The following GABRG3 variants were observed in gnomAD, a reference collection of about 807,000 sequenced individuals.
GABRG3 encodes the protein gamma-aminobutyric acid receptor subunit gamma-3.
GABRG3 carries 25 observed loss-of-function variants against 48.8 expected under a neutral mutation model. The observed-to-expected ratio is 0.51, with a 90% confidence interval of 0.37 to 0.72. The LOEUF (loss-of-function observed/expected upper bound fraction) is 0.72. Among genes scored for constraint, GABRG3 ranks in the 30% least tolerant of loss-of-function variants. The pLI, the probability that GABRG3 is intolerant of heterozygous loss-of-function variation, is 0.00. For missense variants in GABRG3, 394 were observed against 577.9 expected (o/e 0.68, Z 3.26); for synonymous variants, 227 against 217.6 (o/e 1.04, Z -0.38).
At chr15:27,272,253 G>A (rs1455091771) in intron 3 of GABRG3, among the ~76,000 whole-genome samples, 1 of 152,236 alleles carries the variant, frequency 6.6e-6, no homozygotes, top group Non-Finnish European at 1.5e-5. Flanking sequence ...TAAGGTTCAT[G>A]GAAGTTGCAT....
chr15:27,148,711 A>G (rs1898255801), intron 3 of GABRG3, among the ~76,000 whole-genome samples: 1 of 152,042 alleles, frequency 6.6e-6, no homozygotes, highest in African/African-American at 2.4e-5. Flanking sequence ...AAATCATTCT[A>G]TGTAATACTC....
Position 27,480,432 on chromosome 15 carries a change from G to A in GABRG3, c.575-218G>A, listed in dbSNP as rs567686955. Among the ~76,000 whole-genome samples, 7 of 152,256 alleles carry A rather than the reference G, an allele frequency of 4.6e-5. No individual in the cohort carries two copies. In the South Asian group the frequency reaches 6.2e-4, roughly 14 times the overall value. On this transcript the variant is annotated intron_variant, in intron 5 of 9. Transcript: ENST00000615808. ...TTGTCAGTGGCCAGGCCTATGCAGT[G>A]GAGTGCCTGGCCATTCGTGAAGATC...
intron 3 of GABRG3, among the ~76,000 whole-genome samples, chr15:27,271,235 C>A (rs1403241221): frequency 2.0e-5 from 3 of 152,168 alleles, no homozygotes; most frequent in Admixed American, 6.5e-5. Context: ...CCTGCACTTG[C>A]CCTGCACGCT....
chr15:27,099,032 G>A (rs1022515303), intron 3 of GABRG3, among the ~76,000 whole-genome samples: 5 of 152,088 alleles, frequency 3.3e-5, no homozygotes, highest in Admixed American at 1.3e-4. Flanking sequence ...AAACTCACTT[G>A]AATTACAGCA....
chr15:27,125,048 G>A (rs1480081188), intron 3 of GABRG3, among the ~76,000 whole-genome samples: 1 of 152,148 alleles, frequency 6.6e-6, no homozygotes, highest in East Asian at 1.9e-4. Context: ...TTTAATGACA[G>A]CAGCCAGTTG....
chr15:26,975,444 G>A lies in GABRG3; in HGVS notation c.54-1558G>A, dbSNP rs140822621. On this transcript the variant is annotated intron_variant, in intron 1 of 9. Coordinates refer to ENST00000615808, the MANE Select transcript of GABRG3 (RefSeq NM_033223.5). This position sits in a 1 kb window ranked among gnomAD's most constrained non-coding sequence, Gnocchi z 4.6. ...ATCAGCCTAGGAAAAACGTAAGTGGGGAAGTCATTCTTTGAGACATATGCC... is the reference window on the plus strand; with the variant it reads ...ATCAGCCTAGGAAAAACGTAAGTGGAGAAGTCATTCTTTGAGACATATGCC... Among the ~76,000 whole-genome samples, 479 of 152,204 alleles carry A rather than the reference G, an allele frequency of 3.1e-3. 7 individuals are homozygous for A. The highest frequency in any genetic ancestry group is 0.011 in the African/African-American group (463 of 41,546).
chr15:27,103,393 C>A (rs971817914), intron 3 of GABRG3, among the ~76,000 whole-genome samples: 4 of 152,044 alleles, frequency 2.6e-5, no homozygotes, highest in African/African-American at 9.7e-5. Context: ...CCTGAGTATC[C>A]CCACAGCAGG....
rs750272069 is a variant in GABRG3, at chr15:27,026,999, T to C, written c.270+178T>C. 126 of 490,168 alleles carry C rather than the reference T, an allele frequency of 2.6e-4. 1 individual carries two copies. The highest frequency in any genetic ancestry group is 7.7e-5 in the Admixed American group (2 of 26,046). The allele number at this position is 490,168 out of a possible 1,614,324, so 30.4% of individuals were successfully genotyped here. ...AAAAAAAAAAATGAAGAAAGATAGCTTGTGATGGTAGTAGCATTTCCACTT... is the reference window on the plus strand; with the variant it reads ...AAAAAAAAAAATGAAGAAAGATAGCCTGTGATGGTAGTAGCATTTCCACTT... On this transcript the variant is annotated intron_variant, in intron 3 of 9. Coordinates refer to ENST00000615808, the MANE Select transcript of GABRG3 (RefSeq NM_033223.5).
chr15:27,186,713 A>G (rs1271563778), intron 3 of GABRG3, among the ~76,000 whole-genome samples: 1 of 152,088 alleles, frequency 6.6e-6, no homozygotes, highest in Non-Finnish European at 1.5e-5. Flanking sequence ...TTGTTCTGAG[A>G]TAGTATCTCA....
intron 3 of GABRG3, among the ~76,000 whole-genome samples, chr15:27,135,259 T>G (rs770265476): frequency 6.6e-6 from 1 of 152,202 alleles, no homozygotes; most frequent in African/African-American, 2.4e-5. Flanking sequence ...TTAAAGGAAC[T>G]AGGAACTGAT....
chr15:27,416,413 C>T (rs1887941100), intron 5 of GABRG3, among the ~76,000 whole-genome samples: 1 of 152,126 alleles, frequency 6.6e-6, no homozygotes, highest in South Asian at 2.1e-4. Flanking sequence ...AAGACCCCAG[C>T]AGGTTAGGCT....
chr15:27,314,418 G>T (rs2060386774), intron 3 of GABRG3, among the ~76,000 whole-genome samples: 1 of 152,172 alleles, frequency 6.6e-6, no homozygotes, highest in African/African-American at 2.4e-5. Context: ...GTCAGCAAGG[G>T]TTGGCAAGGA....
At chr15:27,313,262 G>GTGTGTGTA (rs1430430961) in intron 3 of GABRG3, among the ~76,000 whole-genome samples, 12 of 34,560 alleles carry the variant, frequency 3.5e-4, no homozygotes, top group East Asian at 1.1e-3. Flanking sequence ...GTGTGTGTGT[G>GTGTGTGTA]TATATATATA....
At chr15:27,399,846 A>G (rs375769000) in intron 5 of GABRG3, among the ~76,000 whole-genome samples, 47 of 152,308 alleles carry the variant, frequency 3.1e-4, no homozygotes, top group Middle Eastern at 3.4e-3. Flanking sequence ...TCGGCGTTGA[A>G]TCAGAAGTTA....
At chr15:27,216,855 C>G (rs1373718345) in intron 3 of GABRG3, among the ~76,000 whole-genome samples, 1 of 142,202 alleles carries the variant, frequency 7.0e-6, no homozygotes, top group African/African-American at 2.6e-5. Context: ...TATACATGTG[C>G]CATGCTGGTG....
intron 5 of GABRG3, chr15:27,418,681 T>C (rs1888016951): frequency 6.6e-6 from 1 of 152,248 alleles, no homozygotes; most frequent in East Asian, 1.9e-4. Context: ...AAGGAATTAG[T>C]TGGTAAACAT....
intron 5 of GABRG3, among the ~76,000 whole-genome samples, chr15:27,376,105 A>G (rs1895586076): frequency 1.3e-5 from 2 of 152,232 alleles, no homozygotes; most frequent in South Asian, 4.1e-4. Flanking sequence ...ACCCTATTCA[A>G]GTGGGACAGC....
At chr15:27,119,742 A>G (rs1194200023) in intron 3 of GABRG3, among the ~76,000 whole-genome samples, 1 of 152,208 alleles carries the variant, frequency 6.6e-6, no homozygotes, top group East Asian at 1.9e-4. Flanking sequence ...ATGGAAAATC[A>G]TCTGGAGGCT....
intron 2 of GABRG3, among the ~76,000 whole-genome samples, chr15:27,022,234 A>G (rs575130239): frequency 6.6e-6 from 1 of 152,336 alleles, no homozygotes; most frequent in African/African-American, 2.4e-5. Flanking sequence ...AAGCCAGCTC[A>G]ATACAACTTG....
Sources: gnomAD v4.1 joint callset for allele counts (sites outside exome capture counted in the v4.1 genomes callset) on GRCh38, gnomAD v4.1.1 for gene constraint, Gnocchi (gnomAD v3.1) non-coding constraint, MANE v1.5 for transcripts, NCBI Gene and HGNC (gene_info 2026-07-23, HGNC 2026-07-21) for gene names.